Variants in NAV3 observed in about 807,000 individuals in gnomAD.
The protein encoded by NAV3 is pore membrane and/or filament interacting like protein 1.
In NAV3, 87 loss-of-function variants were observed where a neutral mutation model predicts 244.7. That is an observed-to-expected ratio of 0.36 (90% CI 0.30 to 0.42). NAV3 has a LOEUF of 0.42. NAV3 is among the 20% of genes least tolerant of loss of function. The pLI is 1.00. For missense variants in NAV3, 2,663 were observed against 2,893.3 expected, an observed-to-expected ratio of 0.92 and a Z score of 1.83; for synonymous variants, 1,126 against 1,042.2, an observed-to-expected ratio of 1.08 and a Z score of -1.55.
chr12:78,116,954 CA>C, intron 13 of NAV3, 50 bp downstream of exon 13: 1 of 1,596,374 alleles, frequency 6.3e-7, no homozygotes. Flanking sequence ...GCTTTTTCCC[CA>C]AAATTACTTA....
chr12:77,840,648 C>T, intron 1 of NAV3, among the ~76,000 whole-genome samples: 1 of 152,156 alleles, frequency 6.6e-6, no homozygotes, highest in East Asian at 1.9e-4. Flanking sequence ...AACTGGGTAG[C>T]AAGTAGTAGT....
intron 2 of NAV3, among the ~76,000 whole-genome samples, chr12:77,713,401 A>G (rs950360416): frequency 6.6e-6 from 1 of 152,130 alleles, no homozygotes; most frequent in African/African-American, 2.4e-5. Context: ...TTGGTTTTAT[A>G]CTGTGTATTC....
At chr12:77,763,200 A>T (rs1296295258) in intron 2 of NAV3, among the ~76,000 whole-genome samples, 2 of 152,166 alleles carry the variant, frequency 1.3e-5, no homozygotes, top group African/African-American at 4.8e-5. Flanking sequence ...GAGTGGTCTC[A>T]TTTATGCAAG....
intron 18 of NAV3, among the ~76,000 whole-genome samples, chr12:78,133,254 G>C (rs1033212739): frequency 7.9e-5 from 12 of 151,932 alleles, no homozygotes; most frequent in African/African-American, 2.9e-4. Flanking sequence ...GTTTCAGAGT[G>C]GAAAAAATGA....
chr12:78,141,611 TCTGA>T (rs1956618569), intron 20 of NAV3, among the ~76,000 whole-genome samples: 1 of 152,314 alleles, frequency 6.6e-6, no homozygotes, highest in South Asian at 2.1e-4. Context: ...TCATTCAAAA[TCTGA>T]CTGTTATTGG....
chr12:78,205,017 A>G lies in NAV3; in HGVS notation c.6917A>G (p.Gln2306Arg), dbSNP rs1960138648. 1.9e-6 allele frequency: 3 copies of G among 1,613,622 alleles called. No individual in the cohort carries two copies. The highest frequency in any genetic ancestry group is 2.5e-6 in the Non-Finnish European group (3 of 1,179,756). ...CCATGGAGCTCAGCAACTCTGCCTC[A>G]GGAGAGCCCAGCCTTACTTCAGCTG... Reference protein sequence around the residue: ...TYPWSSATLPQESPALLQLRP... With the variant: ...TYPWSSATLPRESPALLQLRP... Residue 2306 changes from glutamine to arginine, a missense_variant, in exon 39 of 40, where the codon CAG becomes CGG. By Grantham distance (43) the Gln-to-Arg change is conservative. Around this residue, in one of 6 missense-constraint regions of NAV3, gnomAD observed 543 missense variants for 672.4 expected, o/e 0.81. Coordinates refer to ENST00000397909, the MANE Select transcript of NAV3 (RefSeq NM_001024383.2).
chr12:77,892,328 G>A (rs1451649743), intron 1 of NAV3, among the ~76,000 whole-genome samples: 1 of 152,146 alleles, frequency 6.6e-6, no homozygotes, highest in Non-Finnish European at 1.5e-5. Context: ...TTTTCTTGCT[G>A]ATGGAAAATT....
chr12:77,940,310 G>C lies in NAV3; in HGVS notation c.244-9G>C, dbSNP rs1159437493. The C allele has an allele frequency of 1.9e-6, 3 of 1,605,830 alleles. No individual in the cohort carries two copies. The highest frequency in any genetic ancestry group is 1.7e-4 in the Middle Eastern group (1 of 6,036). ...CCCATCTCACTTTTTCCTTCTCTCT[G>C]TTCAACAGATTTACACTGACTGGGC... is the stretch of plus-strand genomic sequence containing the variant. On this transcript the variant is annotated splice_polypyrimidine_tract_variant and intron_variant, in intron 1 of 39. Transcript: ENST00000397909.
At position 77,695,227 on chromosome 12, in the gene NAV3, C is replaced by T. The variant is rs78245905; in HGVS notation, c.72+122961C>T. ...GGTATGGCTCAAGCAATTTTTTTCC[C>T]GACCAATGTCATGGAGGTTTCCCCA... On this transcript the variant is annotated intron_variant, in intron 2 of 8. Coordinates refer to the NAV3 transcript ENST00000550042. 5.9e-3 allele frequency among the ~76,000 whole-genome samples: 904 copies of T among 152,090 alleles called. 12 individuals are homozygous for T. The highest frequency in any genetic ancestry group is 0.02 in the African/African-American group (845 of 41,510).
intron 2 of NAV3, among the ~76,000 whole-genome samples, chr12:77,754,271 T>C (rs1206075791): frequency 6.6e-6 from 1 of 152,102 alleles, no homozygotes; most frequent in Non-Finnish European, 1.5e-5. Context: ...AACGCCCCAG[T>C]CACATGGAGC....
At chr12:77,859,791 A>G (rs1878980217) in intron 1 of NAV3, among the ~76,000 whole-genome samples, 2 of 144,318 alleles carry the variant, frequency 1.4e-5, no homozygotes, top group South Asian at 2.2e-4. Flanking sequence ...GACTAAATTG[A>G]TAATCTTTTT....
At chr12:77,773,411 A>G (rs539594525) in intron 2 of NAV3, among the ~76,000 whole-genome samples, 1 of 152,290 alleles carries the variant, frequency 6.6e-6, no homozygotes, top group African/African-American at 2.4e-5. Flanking sequence ...ACTGTTATAC[A>G]TTTTAAGGAA....
intron 39 of NAV3, among the ~76,000 whole-genome samples, chr12:78,206,854 C>CTTTTTTTT (rs10594185): frequency 1.7e-4 from 20 of 114,820 alleles, no homozygotes; most frequent in Non-Finnish European, 3.2e-4. Flanking sequence ...TTCTTTCTTA[C>CTTTTTTTT]TTTTTTTTTT....
chr12:77,619,285 A>T (rs1269444809), intron 2 of NAV3, among the ~76,000 whole-genome samples: 1 of 152,188 alleles, frequency 6.6e-6, no homozygotes, highest in Non-Finnish European at 1.5e-5. Context: ...TGAAATATTT[A>T]AAAAATAACT....
At chr12:77,609,761 C>A (rs711114) in intron 2 of NAV3, among the ~76,000 whole-genome samples, 13,914 of 152,014 alleles carry the variant, frequency 0.092, 739 homozygotes, top group Middle Eastern at 0.21. Context: ...AACATGTGAA[C>A]CATCATTCAG....
chr12:77,776,328 T>A (rs1870353543), intron 2 of NAV3, among the ~76,000 whole-genome samples: 1 of 152,168 alleles, frequency 6.6e-6, no homozygotes, highest in Non-Finnish European at 1.5e-5. Context: ...AAACTTAAAT[T>A]TTTTGTATAC....
In NAV3 at chr12:78,210,799, A is replaced by G. The variant is rs1473624431; in HGVS notation, c.*282A>G. On this transcript the variant is annotated 3_prime_UTR_variant, in exon 40 of 40. Coordinates refer to ENST00000397909, the MANE Select transcript of NAV3 (RefSeq NM_001024383.2). ...GACCCTAATGACAGGGCAACTGAAC[A>G]GATTGCACATGGGATAGCCAAACTG... 3 of 353,946 alleles carry G rather than the reference A, an allele frequency of 8.5e-6. No homozygotes were observed. The highest frequency in any genetic ancestry group is 6.4e-5 in the African/African-American group (3 of 46,608). 21.9% of individuals were successfully genotyped at this position (353,946 alleles called of 1,614,324 possible).
rs561529095 is a variant in NAV3, at chr12:77,721,583, A to AAT, written c.72+149321_72+149322dup. On this transcript the variant is annotated intron_variant, in intron 2 of 8. Transcript: ENST00000550042. ...TAGGAACATGGGTATAAAAACATGA[A>AAT]ATATAATCAAAGGTGAAAAGAATAG... 7.2e-4 allele frequency among the ~76,000 whole-genome samples: 109 copies of AAT among 152,246 alleles called. 1 individual carries two copies. The South Asian group carries it at 0.022, about 31-fold the overall frequency.
intron 24 of NAV3, 122 bp from the exon 25 acceptor site, chr12:78,175,184 A>G (rs1404525453): frequency 2.9e-6 from 3 of 1,033,786 alleles, no homozygotes; most frequent in Non-Finnish European, 2.7e-6. Context: ...CTGCATTGAA[A>G]TTATCTGTAC....
Sources: allele counts gnomAD v4.1 joint callset (sites outside exome capture counted in the v4.1 genomes callset), GRCh38; gene constraint gnomAD v4.1.1; regional missense constraint gnomAD v4.1.1; transcripts MANE v1.5; gene names NCBI Gene and HGNC (gene_info 2026-07-23, HGNC 2026-07-21).